The following FOXO3 variants were observed in gnomAD, a reference collection of about 807,000 sequenced individuals.
FOXO3 encodes the protein forkhead box O3.
Under a neutral mutation model 41.9 loss-of-function variants are expected in FOXO3, and 4 were observed. The observed-to-expected ratio is 0.10, with a 90% CI of 0.05 to 0.22. The LOEUF (loss-of-function observed/expected upper bound fraction) is 0.22. FOXO3 is among the 10% of genes least tolerant of loss of function. The pLI is 1.00. For missense variants in FOXO3, 534 were observed against 906.8 expected (o/e 0.59, Z 5.28); for synonymous variants, 318 against 389.3 (o/e 0.82, Z 2.16).
chr6:108,665,791 A>G (rs970983187), intron 2 of FOXO3, among the ~76,000 whole-genome samples: 10 of 150,166 alleles, frequency 6.7e-5, no homozygotes, highest in Non-Finnish European at 1.2e-4. Context: ...CCTGGGTGGT[A>G]AAGCAAGAAC....
intron 1 of FOXO3, among the ~76,000 whole-genome samples, chr6:108,645,914 G>A (rs1202610235): frequency 6.6e-6 from 1 of 152,192 alleles, no homozygotes; most frequent in Non-Finnish European, 1.5e-5. Flanking sequence ...GGGCATGTCA[G>A]TAAAATTAAT....
At chr6:108,574,170 AAAG>A (rs1377806816) in intron 1 of FOXO3, among the ~76,000 whole-genome samples, 163 of 151,494 alleles carry the variant, frequency 1.1e-3, no homozygotes, top group African/African-American at 3.7e-3. Context: ...AAAAAAAAAA[AAAG>A]AAGAATTAGC....
rs950899859 is a variant in FOXO3 at position 108,682,061 on chromosome 6, C to T, written c.*2269C>T. 6.6e-6 allele frequency: 1 copy of T among 152,350 alleles called. No individual in the cohort carries two copies. The highest frequency in any genetic ancestry group is 1.5e-5 in the Non-Finnish European group (1 of 68,044). The allele number at this position is 152,350 out of a possible 1,614,324, so 9.4% of individuals were successfully genotyped here. On this transcript the variant is annotated 3_prime_UTR_variant, in exon 3 of 3. Transcript: ENST00000406360. ...TCCAGCATTAGGGTCCTGAGAACTT[C>T]TGAGTTCAGAGAAACATGCAAAGTG...
chr6:108,615,539 G>T (rs369113709), intron 1 of FOXO3, among the ~76,000 whole-genome samples: 3 of 150,508 alleles, frequency 2.0e-5, no homozygotes, highest in Non-Finnish European at 4.4e-5. Context: ...TTATTATTGT[G>T]ATGTGCCCTC....
intron 1 of FOXO3, among the ~76,000 whole-genome samples, chr6:108,603,977 A>G (rs1777122622): frequency 6.6e-6 from 1 of 152,148 alleles, no homozygotes; most frequent in African/African-American, 2.4e-5. Context: ...TTTTTTTACT[A>G]TGAAATTGCC....
At chr6:108,593,971 G>A (rs1355289879) in intron 1 of FOXO3, among the ~76,000 whole-genome samples, 1 of 151,240 alleles carries the variant, frequency 6.6e-6, no homozygotes, top group South Asian at 2.1e-4. Flanking sequence ...TACCCGCCTC[G>A]GCCTCCCAAA....
At chr6:108,675,067 A>G (rs971309038) in intron 2 of FOXO3, among the ~76,000 whole-genome samples, 3 of 152,188 alleles carry the variant, frequency 2.0e-5, no homozygotes, top group Non-Finnish European at 2.9e-5. Context: ...ATTGGTTAAC[A>G]TAATCCCTGC....
chr6:108,633,278 A>T (rs1778025078), intron 1 of FOXO3, among the ~76,000 whole-genome samples: 1 of 152,154 alleles, frequency 6.6e-6, no homozygotes, highest in Non-Finnish European at 1.5e-5. Context: ...TTTGGATAAG[A>T]ACTTTCACTC....
chr6:108,663,904 A>G lies in FOXO3; in HGVS notation c.1071A>G (p.Ser357=), dbSNP rs780817800. ...GCAGCTCAGCCAGCCTGTCACCTTC[A>G]GTAAGCAAGCCGTGCACGGTGGAAC... ...LYSSSASLSP[S]VSKPCTVELP... is the part of the protein sequence containing the mutation. Residue 357 remains serine, a synonymous_variant, in exon 2 of 3, where the codon TCA becomes TCG. Transcript: ENST00000406360. 3 of 1,614,068 alleles carry G rather than the reference A, an allele frequency of 1.9e-6. No homozygotes were observed. The highest frequency in any genetic ancestry group is 3.3e-5 in the Admixed American group (2 of 60,014).
upstream of FOXO3, chr6:108,560,064 G>A (rs1329530413): frequency 1.3e-5 from 2 of 152,320 alleles, no homozygotes; most frequent in Non-Finnish European, 2.9e-5. Flanking sequence ...GGTGACTCCG[G>A]ATCTGCTTCC....
chr6:108,653,585 A>T (rs1036151312), intron 1 of FOXO3, among the ~76,000 whole-genome samples: 1 of 152,166 alleles, frequency 6.6e-6, no homozygotes, highest in African/African-American at 2.4e-5. Flanking sequence ...TTTCATAGAA[A>T]GAGGGTTTCC....
chr6:108,648,155 C>T (rs144143681), intron 1 of FOXO3, among the ~76,000 whole-genome samples: 62 of 152,266 alleles, frequency 4.1e-4, no homozygotes, highest in Non-Finnish European at 7.6e-4. Flanking sequence ...AGAAATGTTT[C>T]CTGGCCCAGG....
At chr6:108,628,584 A>G (rs1159736386) in intron 1 of FOXO3, among the ~76,000 whole-genome samples, 5 of 152,212 alleles carry the variant, frequency 3.3e-5, no homozygotes, top group Admixed American at 1.3e-4. Context: ...GTGTCTCACC[A>G]TTGAGTTTTT....
At chr6:108,675,094 AGATAGGGATTTATCTGTCCCTATCTCT>A (rs892588516) in intron 2 of FOXO3, among the ~76,000 whole-genome samples, 3 of 152,176 alleles carry the variant, frequency 2.0e-5, no homozygotes, top group African/African-American at 7.2e-5. Context: ...ATAAAGTCAG[AGATAGGGATTTATCTGTCCCTATCTCT>A]GATAGGGATA....
intron 1 of FOXO3, among the ~76,000 whole-genome samples, chr6:108,639,056 A>G (rs753395471): frequency 2.0e-5 from 3 of 152,200 alleles, no homozygotes; most frequent in South Asian, 2.1e-4. Flanking sequence ...AAACAGGCCT[A>G]TAACAGGAGA....
chr6:108,664,686 G>A lies in FOXO3; in HGVS notation c.1853G>A (p.Gly618Glu). ...PSDLDLDMFN[G>E]SLECDMESII... is the part of the protein sequence containing the mutation. ...GACTTGGACCTGGACATGTTCAATG[G>A]GAGCTTGGAATGTGACATGGAGTCC... Residue 618 changes from glycine to glutamate, a missense_variant, in exon 2 of 3, where the codon GGG becomes GAG. Around this residue, in one of 8 missense-constraint regions of FOXO3, gnomAD observed 94 missense variants for 214.4 expected, o/e 0.44. Coordinates refer to ENST00000406360, the MANE Select transcript of FOXO3 (RefSeq NM_001455.4). 1 of 1,069,994 alleles carries A rather than the reference G, an allele frequency of 9.3e-7. No individual in the cohort carries two copies. The highest frequency in any genetic ancestry group is 1.4e-6 in the Non-Finnish European group (1 of 703,588). 66.3% of individuals were successfully genotyped at this position (1,069,994 alleles called of 1,614,324 possible). A position where few individuals can be genotyped will look rare whatever the true frequency, so the allele number is the denominator to read the frequency against.
intron 1 of FOXO3, among the ~76,000 whole-genome samples, chr6:108,577,247 C>T (rs1776287229): frequency 1.3e-5 from 2 of 151,950 alleles, no homozygotes; most frequent in Admixed American, 1.3e-4. Flanking sequence ...CTGGCATGTT[C>T]TTTGGACTGT....
intron 1 of FOXO3, among the ~76,000 whole-genome samples, chr6:108,591,090 G>A (rs769822037): frequency 5.9e-5 from 9 of 152,232 alleles, no homozygotes; most frequent in Admixed American, 1.3e-4. Context: ...TGAAGCATGA[G>A]TAAGGAGATG....
intron 1 of FOXO3, among the ~76,000 whole-genome samples, chr6:108,652,386 C>T (rs917791439): frequency 7.2e-5 from 11 of 152,192 alleles, no homozygotes; most frequent in African/African-American, 2.7e-4. Context: ...ATCATTTTTC[C>T]ACATTTTCCA....
Sources: allele counts gnomAD v4.1 joint callset (sites outside exome capture counted in the v4.1 genomes callset), GRCh38; gene constraint gnomAD v4.1.1; regional missense constraint gnomAD v4.1.1; transcripts MANE v1.5; gene names NCBI Gene and HGNC (gene_info 2026-07-23, HGNC 2026-07-21).